Variants in FES observed in about 807,000 individuals in gnomAD.
FES encodes tyrosine-protein kinase Fes/Fps.
FES carries 83 observed loss-of-function variants against 109.6 expected under a neutral mutation model. The observed-to-expected ratio is 0.76, with a 90% CI of 0.63 to 0.91. The LOEUF is 0.91. Among genes scored for constraint, FES ranks in the 40% least tolerant of loss-of-function variants. The pLI is 0.00. For synonymous variants in FES, 458 were observed against 442.1 expected, an observed-to-expected ratio of 1.04 and a Z score of -0.45; for missense variants, 943 against 1,070.9, an observed-to-expected ratio of 0.88 and a Z score of 1.67.
At position 90,889,404 on chromosome 15, in the gene FES, A is replaced by G; in HGVS notation, c.767A>G (p.Gln256Arg). 6.2e-7 allele frequency: 1 copy of G among 1,614,108 alleles called. No homozygotes were observed. The highest frequency in any genetic ancestry group is 8.5e-7 in the Non-Finnish European group (1 of 1,180,024). ...ATGGCTGCAGCTGCTGCCCGCATCC[A>G]GCCTGAGGCTGAGTACCAAGGCTTC... is the stretch of plus-strand genomic sequence containing the variant. ...REMAAAAARI[Q>R]PEAEYQGFLR... Residue 256 changes from glutamine to arginine, a missense_variant, in exon 6 of 19, where the codon CAG (glutamine) becomes CGG (arginine). Coordinates refer to ENST00000328850, the MANE Select transcript of FES (RefSeq NM_002005.4). The surrounding 1 kb of genome is among the most constrained non-coding windows in gnomAD (Gnocchi z 6.1).
At chr15:90,890,372 C>T (rs1417491601) in intron 9 of FES, 29 bp from the exon 10 acceptor site, 8 of 1,608,978 alleles carry the variant, frequency 5.0e-6, no homozygotes, top group Non-Finnish European at 5.9e-6. Flanking sequence ...TAAGCCTGGC[C>T]ACCCGCTGAC....
chr15:90,889,544 C>G lies in FES; in HGVS notation c.834C>G (p.Val278=). The change falls in exon 7 of 19, where the codon GTC becomes GTG. Residue 278 remains valine (V), a synonymous_variant. Coordinates refer to ENST00000328850, the MANE Select transcript of FES (RefSeq NM_002005.4). The surrounding 1 kb of genome is among the most constrained non-coding windows in gnomAD (Gnocchi z 6.1). ...YGSAPDVPPC[V]TFDESLLEEG... ...CCGCACCTGACGTCCCACCCTGTGT[C>G]ACGTTCGATGAGTCACTGCTTGAGG... 6.2e-7 allele frequency: 1 copy of G among 1,613,874 alleles called. No homozygotes were observed. Among genetic ancestry groups the G allele is most frequent in the African/African-American group, 1.3e-5 (1 of 75,036 alleles).
At chr15:90,893,268 G>C in intron 15 of FES, 23 bp from the exon 16 acceptor site, 1 of 1,610,256 alleles carries the variant, frequency 6.2e-7, no homozygotes, top group East Asian at 2.2e-5. Context: ...AGGAGGCTCA[G>C]CAGGGGTCCT....
chr15:90,892,181 T>TCCCTGCCCC, intron 13 of FES, 70 bp downstream of exon 13: 1 of 1,576,472 alleles, frequency 6.3e-7, no homozygotes. Flanking sequence ...CCCCCTGCCC[T>TCCCTGCCCC]ACCACCCAGA....
chr15:90,891,697 G>A (rs774596975), intron 12 of FES, 21 bp downstream of exon 12: 1 of 1,612,606 alleles, frequency 6.2e-7, no homozygotes, highest in Non-Finnish European at 8.5e-7. Context: ...ACCCAGCCTG[G>A]CCCATGCCAC....
Position 90,888,841 on chromosome 15 carries a change from G to A in FES, c.669-465G>A, listed in dbSNP as rs780584376. ...TCGCCAGGCTGGAGTGCAGTGGCGC[G>A]ATCTTGGCTCACTGCAACCTCCACC... is the stretch of plus-strand genomic sequence containing the variant. On this transcript the variant is annotated intron_variant, in intron 5 of 18. Transcript: ENST00000328850. 5.1e-4 allele frequency among the ~76,000 whole-genome samples: 78 copies of A among 151,790 alleles called. 1 individual carries two copies. The highest frequency in any genetic ancestry group is 9.6e-4 in the Non-Finnish European group (65 of 67,948).
rs2151263144 is a variant in FES at position 90,891,380 on chromosome 15, TC to T, written c.1531-170del. The T allele has an allele frequency of 9.3e-6, 10 of 1,071,096 alleles. No homozygotes were observed. The South Asian group carries it at 1.3e-4, about 14-fold the overall frequency. The allele number at this position is 1,071,096 out of a possible 1,614,324, so 66.3% of individuals were successfully genotyped here. On this transcript the variant is annotated intron_variant, in intron 11 of 18. Transcript: ENST00000328850. ...AAAATAGAGGCTTAAGTGTGAGTCC[TC>T]CCCTGGTGGGGCAGCAGGATGTCAT...
intron 3 of FES, among the ~76,000 whole-genome samples, chr15:90,886,010 G>A (rs750492689): frequency 1.8e-4 from 27 of 152,328 alleles, no homozygotes; most frequent in African/African-American, 5.8e-4. Flanking sequence ...TCGAGGATTC[G>A]GGCCGTGAAG....
At chr15:90,892,612 C>A in intron 13 of FES, 95 bp from the exon 14 acceptor site, 2 of 1,264,108 alleles carry the variant, frequency 1.6e-6, no homozygotes, top group Non-Finnish European at 2.2e-6. Flanking sequence ...AACACGGGGG[C>A]CCCTCACCCA....
At position 90,892,776 on chromosome 15, in the gene FES, C is replaced by G. The variant is rs1245742044; in HGVS notation, c.1777C>G (p.Arg593Gly). Reference protein sequence around the residue: ...DNTLVAVKSCRETLPPDLKAK... With the variant: ...DNTLVAVKSCGETLPPDLKAK... ...CACCCTGGTGGCGGTGAAGTCTTGTCGAGAGACGCTCCCACCTGACCTCAA... is the reference window on the plus strand; with the variant it reads ...CACCCTGGTGGCGGTGAAGTCTTGTGGAGAGACGCTCCCACCTGACCTCAA... Residue 593 changes from arginine to glycine, a missense_variant, in exon 14 of 19, where the codon CGA becomes GGA. Transcript: ENST00000328850. The G allele has an allele frequency of 1.2e-6, 2 of 1,613,756 alleles. No individual in the cohort carries two copies. The highest frequency in any genetic ancestry group is 1.7e-6 in the Non-Finnish European group (2 of 1,179,950).
intron 3 of FES, among the ~76,000 whole-genome samples, chr15:90,886,036 T>A (rs1370285722): frequency 6.6e-6 from 1 of 152,196 alleles, no homozygotes; most frequent in Non-Finnish European, 1.5e-5. Flanking sequence ...CTGCCTAGGT[T>A]TGAATCCCAC....
rs374360026 is a variant in FES, at chr15:90,891,575, G to A, written c.1552G>A (p.Glu518Lys). 2.5e-6 allele frequency: 4 copies of A among 1,613,792 alleles called. No individual in the cohort carries two copies. The highest frequency in any genetic ancestry group is 1.7e-5 in the Admixed American group (1 of 60,028). ...GCAGAACCTGTACCGACTGGAAGGG[G>A]AAGGCTTTCCTAGCATTCCTTTGCT... ...SLDNLYRLEG[E>K]GFPSIPLLID... Residue 518 changes from glutamate to lysine, a missense_variant, in exon 12 of 19, where the codon GAA becomes AAA. By Grantham distance (56) the Glu-to-Lys change is moderately conservative (BLOSUM62 1). Transcript: ENST00000328850.
chr15:90,890,856 T>C (rs542473732), intron 10 of FES, 126 bp from the exon 11 acceptor site: 186 of 964,504 alleles, frequency 1.9e-4, no homozygotes, highest in Non-Finnish European at 2.7e-4. Flanking sequence ...TGTGGATGGC[T>C]CTGCATGCCA....
chr15:90,888,747 C>CGTTT (rs371793827), intron 5 of FES, among the ~76,000 whole-genome samples: 3 of 142,564 alleles, frequency 2.1e-5, no homozygotes, highest in East Asian at 2.1e-4. Context: ...GATAGCAGTT[C>CGTTT]ATTTATTTAT....
Position 90,890,857 on chromosome 15 carries a change from C to T in FES, c.1321-125C>T, listed in dbSNP as rs2033145344. On this transcript the variant is annotated intron_variant, in intron 10 of 18. Coordinates refer to ENST00000328850, the MANE Select transcript of FES (RefSeq NM_002005.4). ...CCACTCCAGGGGCCTGTGGATGGCT[C>T]TGCATGCCACTCCATGGTTGTAAGG... 3.1e-6 allele frequency: 3 copies of T among 979,760 alleles called. No individual in the cohort carries two copies. In the East Asian group the frequency reaches 7.9e-5, roughly 26 times the overall value. The allele number at this position is 979,760 out of a possible 1,614,324, so 60.7% of individuals were successfully genotyped here.
At chr15:90,891,955 T>C in intron 12 of FES, 103 bp from the exon 13 acceptor site, 17 of 1,294,368 alleles carry the variant, frequency 1.3e-5, no homozygotes, top group Non-Finnish European at 1.8e-5. Context: ...GTCCCACCCC[T>C]GGTCACATAT....
chr15:90,888,633 G>C (rs1024116880), intron 5 of FES, among the ~76,000 whole-genome samples: 3 of 152,304 alleles, frequency 2.0e-5, no homozygotes, highest in African/African-American at 7.2e-5. Flanking sequence ...TGAAATAGAG[G>C]AGTCAGGGGT....
rs879062701 is a variant in FES, at chr15:90,893,865, C to T, written c.2203+54C>T. On this transcript the variant is annotated intron_variant, in intron 17 of 18. Transcript: ENST00000328850. ...CATGGCCAGAGGCCAGGCCTGGGTC[C>T]TGCCGGCTGCCTCGCCCTGGCCCCA... is the stretch of plus-strand genomic sequence containing the variant. The T allele has an allele frequency of 3.1e-6, 5 of 1,605,762 alleles. No individual in the cohort carries two copies. The South Asian group carries it at 4.4e-5, about 14-fold the overall frequency.
intron 10 of FES, 132 bp downstream of exon 10, chr15:90,890,616 A>G: frequency 1.2e-6 from 1 of 819,732 alleles, no homozygotes; most frequent in East Asian, 2.7e-5. Flanking sequence ...TCCAGGCTGC[A>G]GATGTCCCCA....
Sources: gnomAD v4.1 joint callset for allele counts (sites outside exome capture counted in the v4.1 genomes callset) on GRCh38, gnomAD v4.1.1 for gene constraint, Gnocchi (gnomAD v3.1) non-coding constraint, MANE v1.5 for transcripts, NCBI Gene and HGNC (gene_info 2026-07-23, HGNC 2026-07-21) for gene names.